Variants in WBP4 observed in about 807,000 individuals in gnomAD.
WBP4 encodes the protein WW domain binding protein 4, also known as WW domain-binding protein 4.
Under a neutral mutation model 55.4 loss-of-function variants are expected in WBP4, and 37 were observed. That is an observed-to-expected ratio of 0.67 (90% CI 0.51 to 0.88). WBP4 has a LOEUF of 0.88. Among genes scored for constraint, WBP4 ranks in the 40% least tolerant of loss-of-function variants. The pLI, the probability that WBP4 is intolerant of heterozygous loss-of-function variation, is 0.00. For missense variants in WBP4, 398 were observed against 420.8 expected (o/e 0.95, Z 0.47); for synonymous variants, 142 against 140.2 (o/e 1.01, Z -0.09).
chr13:41,062,434 A>G (rs1396595572), intron 1 of WBP4, among the ~76,000 whole-genome samples: 1 of 152,072 alleles, frequency 6.6e-6, no homozygotes, highest in Non-Finnish European at 1.5e-5. Context: ...GAGTTTTGTA[A>G]TGAATCAGAT....
At chr13:41,079,326 T>C (rs192686576) in intron 8 of WBP4, among the ~76,000 whole-genome samples, 12 of 151,974 alleles carry the variant, frequency 7.9e-5, no homozygotes, top group Admixed American at 5.2e-4. Flanking sequence ...ATCCCAACAC[T>C]TTGGGAGGCT....
Position 41,072,767 on chromosome 13 carries a change from T to G in WBP4, c.487-15T>G. 1 of 1,610,228 alleles carries G rather than the reference T, an allele frequency of 6.2e-7. No homozygotes were observed. The highest frequency in any genetic ancestry group is 8.5e-7 in the Non-Finnish European group (1 of 1,178,556). On this transcript the variant is annotated splice_polypyrimidine_tract_variant and intron_variant, in intron 6 of 9. Transcript: ENST00000379487. ...GTTATCCTTAGTTTATGCTGGGTTT[T>G]TTTCCTCCTATTAGACAGCAGTGAA...
At chr13:41,078,556 G>A (rs748587698) in intron 8 of WBP4, among the ~76,000 whole-genome samples, 4 of 152,176 alleles carry the variant, frequency 2.6e-5, no homozygotes, top group Non-Finnish European at 5.9e-5. Context: ...GGCCAGGCAT[G>A]GTGGCTCACA....
chr13:41,078,094 C>G (rs1878583050), intron 8 of WBP4, among the ~76,000 whole-genome samples: 1 of 152,168 alleles, frequency 6.6e-6, no homozygotes, highest in Non-Finnish European at 1.5e-5. Flanking sequence ...TCAACACAAT[C>G]CCTATCAAAT....
At chr13:41,078,254 GT>G (rs1288813605) in intron 8 of WBP4, among the ~76,000 whole-genome samples, 2 of 152,172 alleles carry the variant, frequency 1.3e-5, no homozygotes, top group African/African-American at 4.8e-5. Context: ...TTCCAAGGCT[GT>G]CATAACCAAA....
At chr13:41,082,513 T>G (rs1413105945) in intron 9 of WBP4, among the ~76,000 whole-genome samples, 191 bp from the exon 10 acceptor site, 1 of 152,138 alleles carries the variant, frequency 6.6e-6, no homozygotes, top group East Asian at 1.9e-4. Flanking sequence ...ATAGAACTTC[T>G]CCCAGCATTT....
At position 41,062,104 on chromosome 13, in the gene WBP4, T is replaced by TG. The variant is rs1339375785; in HGVS notation, c.2+429_2+430insG. On this transcript the variant is annotated intron_variant, in intron 1 of 9. Coordinates refer to ENST00000379487, the MANE Select transcript of WBP4 (RefSeq NM_007187.5). Reference sequence around the variant, plus strand: ...CCCTGGATAGCGTAATGGTTTTTTTTTTTTTTTTTTTTTTTTTTTTGTCGG... The same window carrying TG: ...CCCTGGATAGCGTAATGGTTTTTTTTGTTTTTTTTTTTTTTTTTTTTGTCGG... 1.4e-5 allele frequency: 13 copies of TG among 937,838 alleles called. 1 individual carries two copies. The highest frequency in any genetic ancestry group is 1.1e-3 in the Middle Eastern group (2 of 1,862). 58.1% of individuals were successfully genotyped at this position (937,838 alleles called of 1,614,324 possible).
chr13:41,068,064 A>G lies in WBP4; in HGVS notation c.263-497A>G, dbSNP rs189703273. Among the ~76,000 whole-genome samples the G allele has an allele frequency of 2.6e-5, 4 of 152,134 alleles. No individual in the cohort carries two copies. In the East Asian group the frequency reaches 7.7e-4, roughly 29 times the overall value. Reference sequence around the variant, plus strand: ...TTTCCTTTTTTTAATATATATATAGATGTAGGGGGTACAAGTGCAGATTTC... The same window carrying G: ...TTTCCTTTTTTTAATATATATATAGGTGTAGGGGGTACAAGTGCAGATTTC... On this transcript the variant is annotated intron_variant, in intron 4 of 9. Coordinates refer to ENST00000379487, the MANE Select transcript of WBP4 (RefSeq NM_007187.5).
intron 4 of WBP4, 144 bp downstream of exon 4, chr13:41,065,431 TTAGAC>T: frequency 1.7e-6 from 2 of 1,201,822 alleles, no homozygotes; most frequent in Admixed American, 6.5e-5. Flanking sequence ...ATAGCCCTGT[TTAGAC>T]TATGGAAGTT....
intron 7 of WBP4, among the ~76,000 whole-genome samples, chr13:41,075,675 T>C (rs766022663): frequency 3.9e-5 from 6 of 152,142 alleles, no homozygotes; most frequent in Non-Finnish European, 5.9e-5. Flanking sequence ...GCCAGCACAC[T>C]GGGGCCAGGA....
intron 8 of WBP4, 45 bp from the exon 9 acceptor site, chr13:41,080,601 G>T: frequency 6.9e-7 from 1 of 1,442,330 alleles, no homozygotes; most frequent in Non-Finnish European, 9.4e-7. Context: ...TTTTGTCTTG[G>T]TAGTTTTGCT....
In WBP4 at chr13:41,061,524, G is replaced by A. The variant is rs1013084884; in HGVS notation, c.-150G>A. On this transcript the variant is annotated 5_prime_UTR_variant, in exon 1 of 10. Coordinates refer to ENST00000379487, the MANE Select transcript of WBP4 (RefSeq NM_007187.5). ...CTGGGCACCCGTAGTTGGGAACAGC[G>A]GAACGCTGGTCCCGGGGACTGAGTA... 3.9e-6 allele frequency: 5 copies of A among 1,268,184 alleles called. No individual in the cohort carries two copies. Among genetic ancestry groups the A allele is most frequent in the Non-Finnish European group, 5.6e-6 (5 of 896,492 alleles). 78.6% of individuals were successfully genotyped at this position (1,268,184 alleles called of 1,614,324 possible).
Position 41,076,058 on chromosome 13 carries a change from A to T in WBP4, c.577A>T (p.Lys193Ter). The change falls in exon 8 of 10, where the codon AAA becomes TAA. Residue 193 changes from lysine (K) to a stop codon, truncating the protein, a stop_gained. Coordinates refer to ENST00000379487, the MANE Select transcript of WBP4 (RefSeq NM_007187.5). LOFTEE classifies it high-confidence loss of function. ...GTGTTGAGCAGAATCCAGATGGGAG[A>T]AACCTGATGATTTCATTCCACACAC... ...NTETGESRWEKPDDFIPHTSD... is the reference protein window; with the variant it reads ...NTETGESRWE The T allele has an allele frequency of 6.2e-7, 1 of 1,612,658 alleles. No individual in the cohort carries two copies.
intron 1 of WBP4, 61 bp downstream of exon 1, chr13:41,061,736 C>G: frequency 6.2e-7 from 1 of 1,609,498 alleles, no homozygotes; most frequent in East Asian, 2.2e-5. Flanking sequence ...CCCTTTCTCG[C>G]CCGGGTCTTC....
chr13:41,082,427 A>G (rs927259036), intron 9 of WBP4, among the ~76,000 whole-genome samples: 1 of 151,988 alleles, frequency 6.6e-6, no homozygotes, highest in African/African-American at 2.4e-5. Flanking sequence ...TTATCCCTTT[A>G]CTTGTACTGC....
chr13:41,081,170 C>G (rs1017365236), intron 9 of WBP4, among the ~76,000 whole-genome samples: 1 of 151,860 alleles, frequency 6.6e-6, no homozygotes, highest in Admixed American at 6.6e-5. Context: ...GGACTCCAGC[C>G]TAGCAGCAGA....
chr13:41,065,004 T>C lies in WBP4; in HGVS notation c.76-12T>C. On this transcript the variant is annotated splice_polypyrimidine_tract_variant and intron_variant, in intron 2 of 9. Coordinates refer to ENST00000379487, the MANE Select transcript of WBP4 (RefSeq NM_007187.5). ...TAGTTTTCTTTTGTTATTTTCTCTT[T>C]TCATTTTCAAGAGTGTTGAATTTCA... 6.5e-7 allele frequency: 1 copy of C among 1,548,996 alleles called. No individual in the cohort carries two copies. The highest frequency in any genetic ancestry group is 8.6e-7 in the Non-Finnish European group (1 of 1,157,056).
intron 1 of WBP4, 67 bp from the exon 2 acceptor site, chr13:41,062,577 A>G: frequency 6.9e-7 from 1 of 1,451,610 alleles, no homozygotes; most frequent in Non-Finnish European, 9.5e-7. Context: ...TAAAAACTGT[A>G]AAGCATGCAG....
At chr13:41,080,232 A>G (rs1269558980) in intron 8 of WBP4, among the ~76,000 whole-genome samples, 1 of 152,226 alleles carries the variant, frequency 6.6e-6, no homozygotes, top group East Asian at 1.9e-4. Flanking sequence ...TTATAGGAAA[A>G]GGAAAAAAAT....
Sources: gnomAD v4.1 joint callset for allele counts (sites outside exome capture counted in the v4.1 genomes callset) on GRCh38, gnomAD v4.1.1 for gene constraint, MANE v1.5 for transcripts, NCBI Gene and HGNC (gene_info 2026-07-23, HGNC 2026-07-21) for gene names.